The following CAMK1D variants were observed in gnomAD, a reference collection of about 807,000 sequenced individuals.
CAMK1D encodes calcium/calmodulin dependent protein kinase ID, also known as calcium/calmodulin-dependent protein kinase type 1D.
CAMK1D carries 9 observed loss-of-function variants against 47.7 expected under a neutral mutation model. The ratio of observed to expected loss-of-function variants is 0.19; its 90% CI spans 0.11 to 0.33. CAMK1D has a LOEUF of 0.33. Ranked by LOEUF, CAMK1D falls within the 10% of genes least tolerant of loss-of-function variation. CAMK1D has a pLI of 1.00. For synonymous variants in CAMK1D, 184 were observed against 184.9 expected (o/e 0.99, Z 0.04); for missense variants, 291 against 488.7 (o/e 0.60, Z 3.81).
intron 3 of CAMK1D, among the ~76,000 whole-genome samples, chr10:12,676,155 T>A (rs1053877757): frequency 1.3e-5 from 2 of 152,204 alleles, no homozygotes; most frequent in Non-Finnish European, 2.9e-5. Flanking sequence ...GGTTTCACCG[T>A]GTTGGCCTGG....
At chr10:12,361,254 T>TTTTTTTTG (rs1382611330) in intron 1 of CAMK1D, among the ~76,000 whole-genome samples, 2 of 150,820 alleles carry the variant, frequency 1.3e-5, no homozygotes, top group Non-Finnish European at 3.0e-5. Context: ...GACTGTTTTT[T>TTTTTTTTG]TTTTTTTTTT....
At chr10:12,710,458 C>T (rs1261202737) in intron 3 of CAMK1D, among the ~76,000 whole-genome samples, 1 of 152,144 alleles carries the variant, frequency 6.6e-6, no homozygotes, top group Non-Finnish European at 1.5e-5. Context: ...ATAAAGAGCC[C>T]ACAGATTAGT....
At chr10:12,818,670 C>CAAA (rs36034904) in intron 8 of CAMK1D, among the ~76,000 whole-genome samples, 8 of 135,488 alleles carry the variant, frequency 5.9e-5, no homozygotes, top group Non-Finnish European at 1.6e-5. Context: ...GACTCTGTCC[C>CAAA]AAAAAAAAAA....
chr10:12,667,733 A>G (rs1421502677), intron 3 of CAMK1D, among the ~76,000 whole-genome samples: 1 of 152,238 alleles, frequency 6.6e-6, no homozygotes, highest in African/African-American at 2.4e-5. Context: ...TGTTGAGGGT[A>G]TGGAGAATTG....
intron 1 of CAMK1D, among the ~76,000 whole-genome samples, chr10:12,454,012 TG>T (rs1833166205): frequency 1.3e-5 from 2 of 152,194 alleles, no homozygotes. Flanking sequence ...GGGGGGCTGT[TG>T]AAACCCTTCC....
At chr10:12,623,281 C>T (rs1588701402) in intron 2 of CAMK1D, among the ~76,000 whole-genome samples, 1 of 15,430 alleles carries the variant, frequency 6.5e-5, no homozygotes, top group Non-Finnish European at 2.2e-4. Context: ...CCCTCCCTTC[C>T]TTCCTCCCTC....
chr10:12,786,626 A>G (rs1200564212), intron 5 of CAMK1D, among the ~76,000 whole-genome samples: 1 of 152,204 alleles, frequency 6.6e-6, no homozygotes, highest in South Asian at 2.1e-4. Context: ...TGGTGCAGTC[A>G]TAGCTCACTG....
chr10:12,539,728 G>A (rs1246277982), intron 1 of CAMK1D, among the ~76,000 whole-genome samples: 1 of 152,158 alleles, frequency 6.6e-6, no homozygotes, highest in South Asian at 2.1e-4. Context: ...GAAGAGGTCC[G>A]CACAGGTGAT....
chr10:12,496,083 C>T (rs890181308), intron 1 of CAMK1D, among the ~76,000 whole-genome samples: 2 of 152,078 alleles, frequency 1.3e-5, no homozygotes, highest in African/African-American at 4.8e-5. Context: ...CCTGCCTCGG[C>T]CTCCCAAAGT....
At chr10:12,757,639 C>A (rs535790620) in intron 3 of CAMK1D, among the ~76,000 whole-genome samples, 4 of 152,076 alleles carry the variant, frequency 2.6e-5, no homozygotes, top group Non-Finnish European at 5.9e-5. Flanking sequence ...AACAAAATAC[C>A]ATATAGATTG....
intron 3 of CAMK1D, among the ~76,000 whole-genome samples, chr10:12,715,639 T>C (rs191960468): frequency 6.6e-6 from 1 of 152,158 alleles, no homozygotes; most frequent in African/African-American, 2.4e-5. Context: ...TTTTCAAAAG[T>C]TAAATAGACA....
At chr10:12,409,309 G>GT (rs1473506446) in intron 1 of CAMK1D, among the ~76,000 whole-genome samples, 2 of 152,104 alleles carry the variant, frequency 1.3e-5, no homozygotes, top group Non-Finnish European at 2.9e-5. Flanking sequence ...ATTGGGAGAG[G>GT]AAGTGGGCTC....
At chr10:12,680,161 TTTGG>T (rs1460692650) in intron 3 of CAMK1D, among the ~76,000 whole-genome samples, 1 of 152,166 alleles carries the variant, frequency 6.6e-6, no homozygotes, top group East Asian at 1.9e-4. Flanking sequence ...AGTGTTCCCG[TTTGG>T]AAGATTTTTG....
At chr10:12,394,978 G>C (rs1458860549) in intron 1 of CAMK1D, among the ~76,000 whole-genome samples, 1 of 152,016 alleles carries the variant, frequency 6.6e-6, no homozygotes, top group Non-Finnish European at 1.5e-5. Flanking sequence ...ACCCATCTCA[G>C]CATGGTGTGC....
At chr10:12,395,159 AC>A (rs1278510279) in intron 1 of CAMK1D, among the ~76,000 whole-genome samples, 3 of 146,670 alleles carry the variant, frequency 2.0e-5, no homozygotes, top group Non-Finnish European at 1.5e-5. Context: ...GCAGCCTCCA[AC>A]TCCTGGGTTC....
At chr10:12,551,702 C>T (rs941906648) in intron 1 of CAMK1D, among the ~76,000 whole-genome samples, 1 of 152,210 alleles carries the variant, frequency 6.6e-6, no homozygotes, top group Non-Finnish European at 1.5e-5. Context: ...CACACCAGTG[C>T]ACTCCAGCCT....
chr10:12,506,196 A>G (rs951354421), intron 1 of CAMK1D, among the ~76,000 whole-genome samples: 1 of 152,064 alleles, frequency 6.6e-6, no homozygotes, highest in Non-Finnish European at 1.5e-5. Context: ...AGGTGGGAGG[A>G]TCACTTGAGG....
intron 3 of CAMK1D, among the ~76,000 whole-genome samples, chr10:12,718,833 G>A (rs981641494): frequency 4.0e-5 from 6 of 151,854 alleles, no homozygotes; most frequent in East Asian, 1.9e-4. Flanking sequence ...TGAGCACACC[G>A]TACCTTATCA....
intron 1 of CAMK1D, among the ~76,000 whole-genome samples, chr10:12,408,293 T>C (rs11257775): frequency 0.18 from 26,862 of 151,938 alleles, 2,514 homozygotes; most frequent in Admixed American, 0.28. Context: ...TCCCGAGTAG[T>C]TGGGACTACA....
Sources: gnomAD v4.1 joint callset for allele counts (sites outside exome capture counted in the v4.1 genomes callset) on GRCh38, gnomAD v4.1.1 for gene constraint, MANE v1.5 for transcripts, NCBI Gene and HGNC (gene_info 2026-07-23, HGNC 2026-07-21) for gene names.